PAPPA2: variants seen among roughly 807,000 people sequenced by gnomAD.
PAPPA2 encodes the protein pappalysin-2.
A neutral mutation model predicts 176.4 loss-of-function variants in PAPPA2; 86 were observed. That is an observed-to-expected ratio of 0.49 (90% CI 0.41 to 0.58). The LOEUF (loss-of-function observed/expected upper bound fraction) is 0.58, where lower values mean the gene tolerates loss of function less well. Among genes scored for constraint, PAPPA2 ranks in the 20% least tolerant of loss-of-function variants. The pLI, the probability that PAPPA2 is intolerant of heterozygous loss-of-function variation, is 0.00. For missense variants in PAPPA2, 2,073 were observed against 2,256.9 expected (o/e 0.92, Z 1.65); for synonymous variants, 809 against 852.2 (o/e 0.95, Z 0.88).
rs75575303 is a variant in PAPPA2, at chr1:176,678,335, A to C, written c.2137+7220A>C. The stretch of plus-strand genomic sequence containing the variant: ...TTTATTTTAAACTACTATCATTTAA[A>C]AATAAATCTTAAATTTACTTTCGTA... On this transcript the variant is annotated intron_variant, in intron 4 of 22. Transcript: ENST00000367662. Among the ~76,000 whole-genome samples the C allele has an allele frequency of 1.2e-4, 19 of 152,326 alleles. No homozygotes were observed. The East Asian group carries it at 3.5e-3, about 28-fold the overall frequency.
chr1:176,518,220 T>C (rs1379015130), intron 1 of PAPPA2, among the ~76,000 whole-genome samples: 2 of 152,208 alleles, frequency 1.3e-5, no homozygotes, highest in African/African-American at 4.8e-5. Context: ...TCTGGAGAAC[T>C]TTCTAGGACT....
intron 14 of PAPPA2, among the ~76,000 whole-genome samples, chr1:176,759,336 A>G (rs766121809): frequency 3.3e-5 from 5 of 152,216 alleles, no homozygotes; most frequent in Admixed American, 6.5e-5. Context: ...CTCATTTAAT[A>G]CAAGAAATTT....
intron 21 of PAPPA2, among the ~76,000 whole-genome samples, chr1:176,807,343 A>T (rs1156269930): frequency 6.6e-6 from 1 of 152,136 alleles, no homozygotes; most frequent in African/African-American, 2.4e-5. Context: ...TAAGACCAGT[A>T]AGACCTTTTA....
chr1:176,578,994 C>T (rs1408542679), intron 2 of PAPPA2, among the ~76,000 whole-genome samples: 1 of 152,072 alleles, frequency 6.6e-6, no homozygotes, highest in Non-Finnish European at 1.5e-5. Context: ...TTATAATTCC[C>T]AGGGTGGATT....
At chr1:176,715,665 A>G (rs910779993) in intron 12 of PAPPA2, among the ~76,000 whole-genome samples, 1 of 152,218 alleles carries the variant, frequency 6.6e-6, no homozygotes, top group South Asian at 2.1e-4. Context: ...TGTGGGGATC[A>G]CCGTCTATAA....
At chr1:176,491,799 G>A (rs1055238879) in intron 1 of PAPPA2, among the ~76,000 whole-genome samples, 10 of 152,100 alleles carry the variant, frequency 6.6e-5, no homozygotes, top group African/African-American at 2.4e-4. Flanking sequence ...TTTTTACTCA[G>A]GGCACTTTAA....
At chr1:176,591,221 G>T (rs1445551018) in intron 2 of PAPPA2, among the ~76,000 whole-genome samples, 1 of 151,976 alleles carries the variant, frequency 6.6e-6, no homozygotes, top group Non-Finnish European at 1.5e-5. Context: ...AAACTGGCAG[G>T]ATGTTCGGCT....
At chr1:176,805,537 G>A (rs966328595) in intron 21 of PAPPA2, among the ~76,000 whole-genome samples, 11 of 152,132 alleles carry the variant, frequency 7.2e-5, no homozygotes, top group Non-Finnish European at 4.4e-5. Flanking sequence ...GTACCTGTCA[G>A]GCTTTCTCTT....
chr1:176,695,617 T>C (rs896789625), intron 6 of PAPPA2, 121 bp from the exon 7 acceptor site: 11 of 1,138,132 alleles, frequency 9.7e-6, no homozygotes, highest in Non-Finnish European at 1.4e-5. Flanking sequence ...TTAGTTACTC[T>C]CTAGGTCCTT....
intron 21 of PAPPA2, among the ~76,000 whole-genome samples, chr1:176,835,584 A>T (rs1667241446): frequency 6.6e-6 from 1 of 152,282 alleles, no homozygotes; most frequent in Non-Finnish European, 1.5e-5. Flanking sequence ...CAATGGCACA[A>T]TCCTGACTCA....
intron 3 of PAPPA2, among the ~76,000 whole-genome samples, chr1:176,649,273 CA>C (rs1422470879): frequency 2.6e-5 from 4 of 151,234 alleles, no homozygotes; most frequent in African/African-American, 9.7e-5. Flanking sequence ...CTCAGAAATA[CA>C]GAGGGGTCCT....
At chr1:176,644,571 G>A (rs1227082044) in intron 3 of PAPPA2, among the ~76,000 whole-genome samples, 1 of 151,746 alleles carries the variant, frequency 6.6e-6, no homozygotes, top group African/African-American at 2.4e-5. Flanking sequence ...GAAACATGTA[G>A]TCTATCATTA....
intron 4 of PAPPA2, among the ~76,000 whole-genome samples, chr1:176,686,496 T>C (rs541917074): frequency 2.0e-5 from 3 of 152,180 alleles, no homozygotes; most frequent in Middle Eastern, 3.4e-3. Flanking sequence ...AAAATGAGAT[T>C]TGGGGTGGGG....
At chr1:176,488,330 A>G (rs1016108228) in intron 1 of PAPPA2, among the ~76,000 whole-genome samples, 1 of 152,188 alleles carries the variant, frequency 6.6e-6, no homozygotes, top group South Asian at 2.1e-4. Context: ...TCTATCTATC[A>G]TCTATCTATC....
At chr1:176,691,841 G>A (rs1660133673) in intron 5 of PAPPA2, among the ~76,000 whole-genome samples, 1 of 152,184 alleles carries the variant, frequency 6.6e-6, no homozygotes, top group Non-Finnish European at 1.5e-5. Context: ...GTGGTTTGCT[G>A]AATAAGCAAC....
At chr1:176,669,729 C>CA (rs1658876864) in intron 3 of PAPPA2, among the ~76,000 whole-genome samples, 1 of 151,964 alleles carries the variant, frequency 6.6e-6, no homozygotes. Context: ...GGTTCTGTTC[C>CA]AAAAAATAAA....
At chr1:176,493,602 A>C (rs1424828839) in intron 1 of PAPPA2, among the ~76,000 whole-genome samples, 1 of 152,214 alleles carries the variant, frequency 6.6e-6, no homozygotes, top group Non-Finnish European at 1.5e-5. Flanking sequence ...CTTTGCAGGC[A>C]GGAAGATACC....
intron 21 of PAPPA2, among the ~76,000 whole-genome samples, chr1:176,829,671 A>G (rs1213238414): frequency 3.9e-5 from 6 of 152,198 alleles, no homozygotes; most frequent in Admixed American, 3.3e-4. Flanking sequence ...CCTCAGCTGC[A>G]TGTAATCTGT....
intron 3 of PAPPA2, among the ~76,000 whole-genome samples, chr1:176,613,629 T>C (rs1215719398): frequency 4.6e-5 from 7 of 152,210 alleles, no homozygotes; most frequent in Non-Finnish European, 8.8e-5. Flanking sequence ...TTTGAAATCA[T>C]AGATTTCTTT....
Sources: allele counts gnomAD v4.1 joint callset (sites outside exome capture counted in the v4.1 genomes callset), GRCh38; gene constraint gnomAD v4.1.1; transcripts MANE v1.5; gene names NCBI Gene and HGNC (gene_info 2026-07-23, HGNC 2026-07-21).